GABRB1: variants seen among roughly 807,000 people sequenced by gnomAD.
GABRB1 encodes the protein gamma-aminobutyric acid receptor subunit beta-1.
In GABRB1, 17 loss-of-function variants were observed where a neutral mutation model predicts 51.6. That is an observed-to-expected ratio of 0.33 (90% CI 0.23 to 0.49). The LOEUF (loss-of-function observed/expected upper bound fraction) is 0.49, where lower values mean the gene tolerates loss of function less well. Ranked by LOEUF, GABRB1 falls within the 20% of genes least tolerant of loss-of-function variation. The pLI is 0.99. For missense variants in GABRB1, 410 were observed against 600.6 expected (o/e 0.68, Z 3.32); for synonymous variants, 247 against 218.9 (o/e 1.13, Z -1.14).
At chr4:47,214,152 G>A (rs1382324099) in intron 4 of GABRB1, among the ~76,000 whole-genome samples, 1 of 152,106 alleles carries the variant, frequency 6.6e-6, no homozygotes, top group East Asian at 1.9e-4. Flanking sequence ...CCATCTGTGG[G>A]AATAGTGTCT....
intron 5 of GABRB1, among the ~76,000 whole-genome samples, chr4:47,353,156 C>A (rs1298990452): frequency 6.6e-6 from 1 of 152,174 alleles, no homozygotes; most frequent in Non-Finnish European, 1.5e-5. Context: ...GGGGAAACCA[C>A]CCCCATGATT....
chr4:47,182,347 A>T (rs768331589), intron 4 of GABRB1, among the ~76,000 whole-genome samples: 17 of 151,998 alleles, frequency 1.1e-4, no homozygotes, highest in Non-Finnish European at 2.4e-4. Context: ...CTGCAGAAAA[A>T]AGGTATGACA....
chr4:47,033,089 G>T, intron 3 of GABRB1: 1 of 200,898 alleles, frequency 5.0e-6, no homozygotes, highest in Non-Finnish European at 1.0e-5. Flanking sequence ...GTTCTCTTGC[G>T]GGAGGTTATG....
At chr4:47,238,215 A>C (rs1451922102) in intron 4 of GABRB1, among the ~76,000 whole-genome samples, 1 of 152,058 alleles carries the variant, frequency 6.6e-6, no homozygotes, top group Non-Finnish European at 1.5e-5. Flanking sequence ...TGAGGAAAAC[A>C]TAACATATAA....
chr4:47,385,251 G>A (rs1426549122), intron 5 of GABRB1, among the ~76,000 whole-genome samples: 1 of 152,136 alleles, frequency 6.6e-6, no homozygotes, highest in Non-Finnish European at 1.5e-5. Flanking sequence ...TCTGAATTTT[G>A]AAAGAGATTT....
rs548622491 is a variant in GABRB1, at chr4:47,252,493, T to G, written c.462-67634T>G. On this transcript the variant is annotated intron_variant, in intron 4 of 8. Coordinates refer to ENST00000295454, the MANE Select transcript of GABRB1 (RefSeq NM_000812.4). ...TCACAATTGACTATCTAAGAAACCA[T>G]TAATAGCAATTGCCTTTTTTTTTTT... Among the ~76,000 whole-genome samples, 6 of 147,316 alleles carry G rather than the reference T, an allele frequency of 4.1e-5. No individual in the cohort carries two copies. In the South Asian group the frequency reaches 1.1e-3, roughly 26 times the overall value.
intron 4 of GABRB1, among the ~76,000 whole-genome samples, chr4:47,279,083 A>AATGG (rs34567848): frequency 0.11 from 16,905 of 147,270 alleles, 1,035 homozygotes; most frequent in Middle Eastern, 0.2. Context: ...CTTTCTTAGG[A>AATGG]ATGGATGGAT....
chr4:47,032,528 T>C lies in GABRB1; in HGVS notation c.240+44T>C, dbSNP rs201126827. The C allele has an allele frequency of 8.7e-5, 136 of 1,569,560 alleles. 1 individual carries two copies. The African/African-American group carries it at 1.6e-3, about 19-fold the overall frequency. The stretch of plus-strand genomic sequence containing the variant: ...GGCCCGGCGGTTCGGCTTACGCAGA[T>C]GGGAAATGGACAGGTCCCTTTGCCC... On this transcript the variant is annotated intron_variant, in intron 3 of 8. Coordinates refer to ENST00000295454, the MANE Select transcript of GABRB1 (RefSeq NM_000812.4).
rs138868042 is a variant in GABRB1 at position 47,198,060 on chromosome 4, C to T, written c.461+36591C>T. The stretch of plus-strand genomic sequence containing the variant: ...CAGCGGAAAGAGATTGCCTTGGGGT[C>T]AGGTATATTGCCTGGCAGCAGCATG... On this transcript the variant is annotated intron_variant, in intron 4 of 8. Transcript: ENST00000295454. 5.3e-5 allele frequency among the ~76,000 whole-genome samples: 8 copies of T among 152,224 alleles called. No individual in the cohort carries two copies. In the East Asian group the frequency reaches 1.5e-3, roughly 29 times the overall value.
chr4:47,220,781 C>T (rs1302302682), intron 4 of GABRB1, among the ~76,000 whole-genome samples: 1 of 151,870 alleles, frequency 6.6e-6, no homozygotes, highest in African/African-American at 2.4e-5. Context: ...TTCAGTGCCC[C>T]CCCTTTCATC....
At chr4:47,227,935 GAT>G (rs1721005653) in intron 4 of GABRB1, among the ~76,000 whole-genome samples, 1 of 152,024 alleles carries the variant, frequency 6.6e-6, no homozygotes, top group Non-Finnish European at 1.5e-5. Context: ...CTCTTCTAAG[GAT>G]ACCTGATTGG....
At chr4:47,257,695 GAA>G in intron 4 of GABRB1, among the ~76,000 whole-genome samples, 1 of 141,032 alleles carries the variant, frequency 7.1e-6, no homozygotes, top group African/African-American at 2.6e-5. Flanking sequence ...TAAGAGTCAG[GAA>G]AAAAAAAAAA....
At chr4:47,001,280 C>T (rs1001099381) in intron 1 of GABRB1, among the ~76,000 whole-genome samples, 34 of 151,894 alleles carry the variant, frequency 2.2e-4, no homozygotes, top group African/African-American at 5.1e-4. Context: ...GTAGCTGGGA[C>T]TACAGGCGCC....
rs567162044 is a variant in GABRB1, at chr4:47,275,658, G to A, written c.462-44469G>A. Among the ~76,000 whole-genome samples, 3 of 152,210 alleles carry A rather than the reference G, an allele frequency of 2.0e-5. No homozygotes were observed. In the South Asian group the frequency reaches 6.2e-4, roughly 32 times the overall value. On this transcript the variant is annotated intron_variant, in intron 4 of 8. Coordinates refer to ENST00000295454, the MANE Select transcript of GABRB1 (RefSeq NM_000812.4). ...TTGTGTTCTGCTTTGCCAAGCCTGTGTTATTAGGTTTCCAAGATCAGGAAA... is the reference window on the plus strand; with the variant it reads ...TTGTGTTCTGCTTTGCCAAGCCTGTATTATTAGGTTTCCAAGATCAGGAAA...
chr4:47,168,944 T>C (rs767239741), intron 4 of GABRB1, among the ~76,000 whole-genome samples: 9 of 152,104 alleles, frequency 5.9e-5, no homozygotes, highest in Non-Finnish European at 8.8e-5. Context: ...TCCCTCTATG[T>C]GTATTTGTAC....
chr4:47,207,721 T>C (rs1720192846), intron 4 of GABRB1, among the ~76,000 whole-genome samples: 1 of 152,124 alleles, frequency 6.6e-6, no homozygotes, highest in African/African-American at 2.4e-5. Context: ...AAGTGCCTTC[T>C]CTTCACCTAC....
At chr4:47,335,225 G>A (rs1725652658) in intron 5 of GABRB1, among the ~76,000 whole-genome samples, 1 of 151,932 alleles carries the variant, frequency 6.6e-6, no homozygotes, top group Non-Finnish European at 1.5e-5. Flanking sequence ...GTAACGATAG[G>A]TTCTCACGGG....
chr4:47,227,196 A>G (rs1290360726), intron 4 of GABRB1, among the ~76,000 whole-genome samples: 1 of 152,240 alleles, frequency 6.6e-6, no homozygotes, highest in East Asian at 1.9e-4. Flanking sequence ...TCATTTAGGG[A>G]AGGCAAAGTT....
chr4:47,188,837 T>C (rs1055039460), intron 4 of GABRB1, among the ~76,000 whole-genome samples: 6 of 152,022 alleles, frequency 3.9e-5, no homozygotes, highest in Non-Finnish European at 7.4e-5. Context: ...GTAAGTTCAA[T>C]CTGCTTTTGG....
Sources: gnomAD v4.1 joint callset for allele counts (sites outside exome capture counted in the v4.1 genomes callset) on GRCh38, gnomAD v4.1.1 for gene constraint, MANE v1.5 for transcripts, NCBI Gene and HGNC (gene_info 2026-07-23, HGNC 2026-07-21) for gene names.